BCKDHB: variants seen among roughly 807,000 people sequenced by gnomAD.
The protein encoded by BCKDHB is branched chain keto acid dehydrogenase E1 subunit beta.
Under a neutral mutation model 48.5 loss-of-function variants are expected in BCKDHB, and 41 were observed. The observed-to-expected ratio is 0.85, with a 90% CI of 0.66 to 1.10. BCKDHB has a LOEUF of 1.10. BCKDHB is among the 50% of genes least tolerant of loss of function. The pLI is 0.00. For synonymous variants in BCKDHB, 201 were observed against 174.8 expected (o/e 1.15, Z -1.18); for missense variants, 496 against 494.2 (o/e 1.00, Z -0.03).
intron 8 of BCKDHB, among the ~76,000 whole-genome samples, chr6:80,206,377 A>C (rs1433025221): frequency 6.6e-6 from 1 of 152,160 alleles, no homozygotes; most frequent in Non-Finnish European, 1.5e-5. Flanking sequence ...AAGAGACAGG[A>C]GTATTTGATC....
chr6:80,453,822 T>C, the BCKDHB span, among the ~76,000 whole-genome samples: 1 of 152,152 alleles, frequency 6.6e-6, no homozygotes, highest in South Asian at 2.1e-4. Context: ...TCTTCCTGCT[T>C]TATTTAGAGA....
the BCKDHB span, among the ~76,000 whole-genome samples, chr6:80,426,498 C>T: frequency 6.6e-6 from 1 of 151,978 alleles, no homozygotes; most frequent in Non-Finnish European, 1.5e-5. Context: ...TAGCTGCCTC[C>T]CATAAATGTT....
At chr6:80,396,629 T>C in the BCKDHB span, among the ~76,000 whole-genome samples, 4 of 152,206 alleles carry the variant, frequency 2.6e-5, no homozygotes, top group Non-Finnish European at 5.9e-5. Context: ...AGGGACCTCA[T>C]GGGAGATAAT....
At chr6:80,356,680 T>C in the BCKDHB span, 1 of 152,204 alleles carries the variant, frequency 6.6e-6, no homozygotes, top group Non-Finnish European at 1.5e-5. Context: ...AGAATGTTTA[T>C]TACACAAAGT....
chr6:80,336,513 A>C lies in BCKDHB; in HGVS notation c.1039-7151A>C, dbSNP rs561462254. On this transcript the variant is annotated intron_variant, in intron 9 of 9. Transcript: ENST00000320393. ...AAAAAAACCAAAAAAACAAAAAAAA[A>C]CCAAATTTACCAGATTGCCAGTAAT... is the stretch of plus-strand genomic sequence containing the variant. Among the ~76,000 whole-genome samples the C allele has an allele frequency of 5.4e-3, 770 of 142,228 alleles. 6 individuals are homozygous for C. Among genetic ancestry groups the C allele is most frequent in the African/African-American group, 0.019 (715 of 38,364 alleles). 93.3% of individuals were successfully genotyped at this position (142,228 alleles called of 152,430 possible).
chr6:80,209,456 T>C (rs1774821458), intron 8 of BCKDHB, among the ~76,000 whole-genome samples: 2 of 151,966 alleles, frequency 1.3e-5, no homozygotes, highest in Admixed American at 1.3e-4. Context: ...ATTAGTGCTG[T>C]AGTAATTATA....
the BCKDHB span, among the ~76,000 whole-genome samples, chr6:80,370,284 C>T: frequency 5.3e-5 from 8 of 152,070 alleles, no homozygotes; most frequent in African/African-American, 1.4e-4. Context: ...TCTTTCTCTT[C>T]GGAAAAATAA....
At chr6:80,250,261 CT>C (rs1225952343) in intron 8 of BCKDHB, among the ~76,000 whole-genome samples, 1 of 105,712 alleles carries the variant, frequency 9.5e-6, no homozygotes, top group East Asian at 3.7e-4. Flanking sequence ...ACAGATGAAT[CT>C]TTACTTCTGG....
chr6:80,140,642 C>G (rs1383922092), intron 3 of BCKDHB, among the ~76,000 whole-genome samples: 2 of 151,924 alleles, frequency 1.3e-5, no homozygotes, highest in African/African-American at 4.8e-5. Flanking sequence ...CCTTGCATCC[C>G]AGGGATGAAG....
At chr6:80,200,851 A>G in intron 6 of BCKDHB, 83 bp from the exon 7 acceptor site, 3 of 1,091,564 alleles carry the variant, frequency 2.7e-6, no homozygotes, top group Middle Eastern at 2.8e-4. Context: ...AAGCTTTGCT[A>G]CAGTGAGCTT....
intron 3 of BCKDHB, among the ~76,000 whole-genome samples, chr6:80,158,416 T>C (rs897111898): frequency 7.9e-5 from 12 of 152,198 alleles, no homozygotes; most frequent in Non-Finnish European, 1.6e-4. Flanking sequence ...TAAACAATGC[T>C]TCTTGGAGGT....
At chr6:80,317,418 C>T (rs756334646) in intron 9 of BCKDHB, among the ~76,000 whole-genome samples, 4 of 152,180 alleles carry the variant, frequency 2.6e-5, no homozygotes, top group East Asian at 1.9e-4. Context: ...TAACTTCTTG[C>T]GGCCTCTCAC....
At chr6:80,276,096 A>G (rs1252324963) in intron 9 of BCKDHB, among the ~76,000 whole-genome samples, 2 of 152,012 alleles carry the variant, frequency 1.3e-5, no homozygotes, top group African/African-American at 4.8e-5. Flanking sequence ...TATAAATTTG[A>G]GTACTTTTGA....
intron 8 of BCKDHB, among the ~76,000 whole-genome samples, chr6:80,205,197 G>A (rs184015996): frequency 6.6e-6 from 1 of 151,910 alleles, no homozygotes; most frequent in African/African-American, 2.4e-5. Context: ...TTAAAGAAGA[G>A]GGCCCTATAA....
At chr6:80,234,697 A>G (rs1776073440) in intron 8 of BCKDHB, among the ~76,000 whole-genome samples, 1 of 151,858 alleles carries the variant, frequency 6.6e-6, no homozygotes, top group African/African-American at 2.4e-5. Flanking sequence ...TGTGTATACT[A>G]AAAAAAAGAA....
the BCKDHB span, among the ~76,000 whole-genome samples, chr6:80,436,315 C>T: frequency 4.3e-4 from 66 of 151,858 alleles, no homozygotes; most frequent in African/African-American, 1.5e-3. Flanking sequence ...ACCGCCACCA[C>T]ACCTGGCTAA....
chr6:80,409,996 T>C, the BCKDHB span, among the ~76,000 whole-genome samples: 1 of 152,162 alleles, frequency 6.6e-6, no homozygotes, highest in Non-Finnish European at 1.5e-5. Context: ...ACTATGATGT[T>C]AGCTGGTTAT....
At chr6:80,457,952 G>A in the BCKDHB span, among the ~76,000 whole-genome samples, 1 of 152,306 alleles carries the variant, frequency 6.6e-6, no homozygotes, top group East Asian at 1.9e-4. Flanking sequence ...TGTGTATTTT[G>A]GAGTGCATTA....
At chr6:80,319,734 T>G (rs1051175445) in intron 9 of BCKDHB, among the ~76,000 whole-genome samples, 11 of 152,240 alleles carry the variant, frequency 7.2e-5, no homozygotes, top group Admixed American at 6.5e-4. Flanking sequence ...CATTGTTCTC[T>G]TCTGTAAATT....
Sources: gnomAD v4.1 joint callset for allele counts (sites outside exome capture counted in the v4.1 genomes callset) on GRCh38, gnomAD v4.1.1 for gene constraint, MANE v1.5 for transcripts, NCBI Gene and HGNC (gene_info 2026-07-23, HGNC 2026-07-21) for gene names.